The following ATP10B variants were observed in gnomAD, a reference collection of about 807,000 sequenced individuals.
The protein encoded by ATP10B is ATPase phospholipid transporting 10B (putative).
In ATP10B, 122 loss-of-function variants were observed where a neutral mutation model predicts 141.2. The observed-to-expected ratio is 0.86, with a 90% CI of 0.75 to 1.00. ATP10B has a LOEUF of 1.00. Among genes scored for constraint, ATP10B ranks in the 50% least tolerant of loss-of-function variants. The probability of loss-of-function intolerance (pLI) is 0.00; values close to 1 mark genes in which losing one functional copy is unlikely to be tolerated. For synonymous variants in ATP10B, 685 were observed against 692.0 expected (o/e 0.99, Z 0.16); for missense variants, 1,876 against 1,825.3 (o/e 1.03, Z -0.51).
the ATP10B span, among the ~76,000 whole-genome samples, chr5:160,901,301 G>T: frequency 1.3e-5 from 2 of 152,094 alleles, no homozygotes; most frequent in Non-Finnish European, 2.9e-5. Flanking sequence ...TCTTGATACA[G>T]TGTTAAGAGA....
At chr5:160,775,111 C>G (rs1193962992) in intron 2 of ATP10B, among the ~76,000 whole-genome samples, 2 of 152,214 alleles carry the variant, frequency 1.3e-5, no homozygotes, top group Non-Finnish European at 2.9e-5. Context: ...TGTAGCAGTT[C>G]TGCAGAAGTC....
At chr5:160,820,675 T>C (rs1016302405) in intron 1 of ATP10B, among the ~76,000 whole-genome samples, 1 of 151,932 alleles carries the variant, frequency 6.6e-6, no homozygotes, top group African/African-American at 2.4e-5. Context: ...AAACAACACA[T>C]TGAAAAGATC....
intron 1 of ATP10B, among the ~76,000 whole-genome samples, chr5:160,843,667 T>C (rs1775940431): frequency 6.6e-6 from 1 of 152,190 alleles, no homozygotes; most frequent in South Asian, 2.1e-4. Context: ...TTCTAAACTA[T>C]ATTTAAAAAG....
intron 6 of ATP10B, among the ~76,000 whole-genome samples, chr5:160,685,602 C>T (rs1363701675): frequency 6.6e-6 from 1 of 152,188 alleles, no homozygotes; most frequent in Admixed American, 6.5e-5. Context: ...GTTTGGGAGA[C>T]ACTGCCTGAC....
chr5:160,717,347 A>G (rs189130183), intron 2 of ATP10B, among the ~76,000 whole-genome samples: 1 of 152,290 alleles, frequency 6.6e-6, no homozygotes, highest in East Asian at 1.9e-4. Context: ...ATAGAGGGCA[A>G]AGCCTGGTGT....
chr5:160,731,595 TG>T lies in ATP10B; in HGVS notation c.-330-14562del, dbSNP rs1289695920. 1.7e-4 allele frequency among the ~76,000 whole-genome samples: 26 copies of T among 152,338 alleles called. 1 individual carries two copies. The highest frequency in any genetic ancestry group is 6.3e-4 in the African/African-American group (26 of 41,582). On this transcript the variant is annotated intron_variant, in intron 2 of 25. Coordinates refer to ENST00000327245, the MANE Select transcript of ATP10B (RefSeq NM_025153.3). ...CATGGAGTGAGTTCTCTGTTTTTGC[TG>T]GTTTTGGCCTGGGTGCCAGTGCAGT...
chr5:160,865,957 C>T, the ATP10B span, among the ~76,000 whole-genome samples: 2 of 152,028 alleles, frequency 1.3e-5, no homozygotes, highest in African/African-American at 4.8e-5. Flanking sequence ...ACTTTTACAC[C>T]GATGGTGGGA....
At chr5:160,682,593 C>A (rs528722689) in intron 6 of ATP10B, among the ~76,000 whole-genome samples, 2 of 152,178 alleles carry the variant, frequency 1.3e-5, no homozygotes, top group South Asian at 4.2e-4. Flanking sequence ...TCTGGCAGAG[C>A]GAGGAGAACA....
At position 160,822,983 on chromosome 5, in the gene ATP10B, CATATACATATATATATACATATATAT is replaced by C. The variant is rs1406290229; in HGVS notation, c.-576+28932_-576+28957del. On this transcript the variant is annotated intron_variant, in intron 1 of 25. Transcript: ENST00000327245. The stretch of plus-strand genomic sequence containing the variant: ...AAAGGGTGACTATAGTAAAAAATTA[CATATACATATATATATACATATATAT>C]ATATATATATATATATATATATATA... Among the ~76,000 whole-genome samples, 49 of 89,980 alleles carry C rather than the reference CATATACATATATATATACATATATAT, an allele frequency of 5.4e-4. 1 individual carries two copies. The highest frequency in any genetic ancestry group is 1.7e-3 in the African/African-American group (42 of 24,054). The allele number at this position is 89,980 out of a possible 152,430, so 59.0% of individuals were successfully genotyped here.
intron 18 of ATP10B, among the ~76,000 whole-genome samples, chr5:160,610,328 G>A (rs1462066350): frequency 1.3e-5 from 2 of 152,140 alleles, no homozygotes; most frequent in African/African-American, 2.4e-5. Context: ...ACTGAGGCCT[G>A]CTAACAGTCA....
At chr5:160,856,772 G>GT (rs796092371), upstream of ATP10B, among the ~76,000 whole-genome samples, 23 of 151,762 alleles carry the variant, frequency 1.5e-4, no homozygotes, top group South Asian at 6.2e-4. Context: ...TTTTGAATTA[G>GT]TTTTTTCCTG....
intron 2 of ATP10B, among the ~76,000 whole-genome samples, chr5:160,733,181 A>C (rs912994405): frequency 6.6e-6 from 1 of 152,162 alleles, no homozygotes; most frequent in African/African-American, 2.4e-5. Flanking sequence ...TGCTCGGTTA[A>C]ATTAATTTCT....
intron 7 of ATP10B, among the ~76,000 whole-genome samples, chr5:160,653,352 G>A (rs1213270099): frequency 1.0e-5 from 1 of 97,100 alleles, no homozygotes; most frequent in Non-Finnish European, 2.0e-5. Context: ...TACATAGGTA[G>A]TATATATACA....
chr5:160,657,128 G>A (rs1376851048), intron 7 of ATP10B, among the ~76,000 whole-genome samples: 2 of 152,150 alleles, frequency 1.3e-5, no homozygotes, highest in Non-Finnish European at 2.9e-5. Context: ...AACCAAGGAA[G>A]CTACACAGGA....
chr5:160,787,323 A>G (rs1771242041), intron 1 of ATP10B, among the ~76,000 whole-genome samples: 1 of 152,092 alleles, frequency 6.6e-6, no homozygotes, highest in Non-Finnish European at 1.5e-5. Flanking sequence ...TACTTCGTTC[A>G]CCGTATTTCC....
chr5:160,796,387 A>G (rs1167689864), intron 1 of ATP10B, among the ~76,000 whole-genome samples: 2 of 152,212 alleles, frequency 1.3e-5, no homozygotes, highest in African/African-American at 4.8e-5. Context: ...TAACATTGAT[A>G]ATAGTAGTAG....
the ATP10B span, among the ~76,000 whole-genome samples, chr5:160,918,048 C>A: frequency 4.6e-5 from 7 of 152,188 alleles, no homozygotes; most frequent in Admixed American, 2.6e-4. Flanking sequence ...GGAAGGAGAG[C>A]TGCGTGTTCT....
intron 13 of ATP10B, among the ~76,000 whole-genome samples, chr5:160,625,761 C>T (rs892679588): frequency 2.6e-5 from 4 of 152,216 alleles, no homozygotes; most frequent in African/African-American, 9.7e-5. Context: ...CAGAGACTGT[C>T]TCTGATGTGT....
At chr5:160,686,370 CCTT>C in intron 5 of ATP10B, 97 bp from the exon 6 acceptor site, 3 of 882,470 alleles carry the variant, frequency 3.4e-6, no homozygotes, top group Non-Finnish European at 4.9e-6. Context: ...ATCAATTAAA[CCTT>C]CTCTTTCAGT....
Sources: allele counts gnomAD v4.1 joint callset (sites outside exome capture counted in the v4.1 genomes callset), GRCh38; gene constraint gnomAD v4.1.1; transcripts MANE v1.5; gene names NCBI Gene and HGNC (gene_info 2026-07-23, HGNC 2026-07-21).